Variants in CDH13 observed in about 807,000 individuals in gnomAD.
CDH13 encodes the protein cadherin-13.
In CDH13, 24 loss-of-function variants were observed where a neutral mutation model predicts 63.8. That is an observed-to-expected ratio of 0.38 (90% CI 0.27 to 0.53). CDH13 has a LOEUF of 0.53. Ranked by LOEUF, CDH13 falls within the 20% of genes least tolerant of loss-of-function variation. CDH13 has a pLI of 0.85. For missense variants in CDH13, 1,049 were observed against 903.1 expected, an observed-to-expected ratio of 1.16 and a Z score of -2.07; for synonymous variants, 503 against 355.3, an observed-to-expected ratio of 1.42 and a Z score of -4.67.
At chr16:82,799,276 A>C (rs1597624003) in intron 1 of CDH13, among the ~76,000 whole-genome samples, 1 of 152,336 alleles carries the variant, frequency 6.6e-6, no homozygotes, top group African/African-American at 2.4e-5. Flanking sequence ...TTCATGTGTC[A>C]ATTGATACTC....
At chr16:82,966,322 T>C (rs1907817628) in intron 2 of CDH13, among the ~76,000 whole-genome samples, 1 of 142,788 alleles carries the variant, frequency 7.0e-6, no homozygotes, top group South Asian at 2.3e-4. Context: ...CTAATTTTTT[T>C]GTATTTTTAG....
chr16:83,418,749 C>T (rs1001386515), intron 6 of CDH13, among the ~76,000 whole-genome samples: 1 of 152,090 alleles, frequency 6.6e-6, no homozygotes, highest in Non-Finnish European at 1.5e-5. Context: ...ATTGTCAAGG[C>T]TCTTTTAAGT....
At chr16:82,802,807 C>T (rs2036931566) in intron 1 of CDH13, among the ~76,000 whole-genome samples, 1 of 152,168 alleles carries the variant, frequency 6.6e-6, no homozygotes, top group Admixed American at 6.5e-5. Context: ...CAGGAAAGTG[C>T]ACTGTAAGTT....
chr16:83,570,680 TA>T lies in CDH13; in HGVS notation c.961-31765del, dbSNP rs545752713. On this transcript the variant is annotated intron_variant, in intron 7 of 13. Transcript: ENST00000567109. ...ATTCTTTCTCATCCTTTTATATATATAAAAAAAAATTTAAATTTATTATTTA... is the reference window on the plus strand; with the variant it reads ...ATTCTTTCTCATCCTTTTATATATATAAAAAAAATTTAAATTTATTATTTA... Among the ~76,000 whole-genome samples the T allele has an allele frequency of 2.2e-3, 314 of 144,882 alleles. 2 individuals carry two copies. The highest frequency in any genetic ancestry group is 7.2e-3 in the African/African-American group (283 of 39,366).
rs199627550 is a variant in CDH13 at position 83,546,427 on chromosome 16, T to TG, written c.961-56025dup. Reference sequence around the variant, plus strand: ...GTTATGCATTTGTTAGCCATACTACTGGTTTTTTTTTTTTTTAATCAAAGA... The same window carrying TG: ...GTTATGCATTTGTTAGCCATACTACTGGGTTTTTTTTTTTTTTAATCAAAGA... On this transcript the variant is annotated intron_variant, in intron 7 of 13. Coordinates refer to ENST00000567109, the MANE Select transcript of CDH13 (RefSeq NM_001257.5). Among the ~76,000 whole-genome samples the TG allele has an allele frequency of 3.5e-3, 465 of 132,152 alleles. 7 individuals are homozygous for TG. The highest frequency in any genetic ancestry group is 0.011 in the African/African-American group (433 of 40,138). The allele number at this position is 132,152 out of a possible 152,430, so 86.7% of individuals were successfully genotyped here.
At chr16:83,210,964 A>C (rs2039321503) in intron 4 of CDH13, among the ~76,000 whole-genome samples, 1 of 151,916 alleles carries the variant, frequency 6.6e-6, no homozygotes, top group Admixed American at 6.5e-5. Flanking sequence ...CCTGGCTAAC[A>C]CAGTGAAACC....
At chr16:83,686,816 A>G (rs1323141673) in intron 10 of CDH13, among the ~76,000 whole-genome samples, 2 of 152,192 alleles carry the variant, frequency 1.3e-5, no homozygotes, top group East Asian at 3.8e-4. Context: ...CAATCCCAGC[A>G]TAAGGACTGG....
At chr16:83,099,606 G>C in intron 3 of CDH13, among the ~76,000 whole-genome samples, 1 of 151,294 alleles carries the variant, frequency 6.6e-6, no homozygotes, top group Non-Finnish European at 1.5e-5. Flanking sequence ...TTATAGGTGT[G>C]AGCCACCGTG....
intron 2 of CDH13, among the ~76,000 whole-genome samples, chr16:83,000,452 G>T (rs1175708620): frequency 1.3e-5 from 2 of 150,598 alleles, no homozygotes; most frequent in East Asian, 3.9e-4. Flanking sequence ...GTTTCACCAT[G>T]TTGGCCAGGT....
At chr16:82,676,186 G>A (rs559071173) in intron 1 of CDH13, among the ~76,000 whole-genome samples, 2 of 152,006 alleles carry the variant, frequency 1.3e-5, no homozygotes, top group South Asian at 2.1e-4. Flanking sequence ...TTGGTCTTTC[G>A]GTTTAGTCAT....
chr16:83,022,972 G>A (rs1178802946), intron 2 of CDH13: 1 of 152,114 alleles, frequency 6.6e-6, no homozygotes, highest in Admixed American at 6.6e-5. Context: ...TTTTTTCTGG[G>A]ATCATAACAG....
At chr16:83,445,965 C>T (rs2072675181) in intron 6 of CDH13, among the ~76,000 whole-genome samples, 1 of 152,018 alleles carries the variant, frequency 6.6e-6, no homozygotes, top group South Asian at 2.1e-4. Context: ...AAGCATTATC[C>T]CCATCCCTCC....
At chr16:83,283,205 C>T (rs1158277101) in intron 5 of CDH13, among the ~76,000 whole-genome samples, 1 of 152,118 alleles carries the variant, frequency 6.6e-6, no homozygotes, top group Non-Finnish European at 1.5e-5. Flanking sequence ...TTTGAATTAC[C>T]TGTGGAGTTA....
Position 83,684,375 on chromosome 16 carries a change from CA to C in CDH13, c.1538+5925del, listed in dbSNP as rs886316411. Among the ~76,000 whole-genome samples, 757 of 138,302 alleles carry C rather than the reference CA, an allele frequency of 5.5e-3. 2 individuals carry two copies. The highest frequency in any genetic ancestry group is 8.7e-3 in the Admixed American group (121 of 13,856). The allele number at this position is 138,302 out of a possible 152,430, so 90.7% of individuals were successfully genotyped here. A position where few individuals can be genotyped will look rare whatever the true frequency, so the allele number is the denominator to read the frequency against. ...TGAGCAATAAAGCGTGACTCCATCA[CA>C]AAAAAAAAAAGTAGCCGAAAGATAA... On this transcript the variant is annotated intron_variant, in intron 10 of 13. Transcript: ENST00000567109.
chr16:83,115,909 G>C lies in CDH13; in HGVS notation c.367-9476G>C, dbSNP rs1300603164. On this transcript the variant is annotated intron_variant, in intron 3 of 13. Coordinates refer to ENST00000567109, the MANE Select transcript of CDH13 (RefSeq NM_001257.5). Reference sequence around the variant, plus strand: ...AATGAGGACAAATTATCTGGACACTGTTTGTCTGTTTGAATGTCAGCGTAT... The same window carrying C: ...AATGAGGACAAATTATCTGGACACTCTTTGTCTGTTTGAATGTCAGCGTAT... 2.0e-5 allele frequency among the ~76,000 whole-genome samples: 3 copies of C among 152,218 alleles called. No individual in the cohort carries two copies. The East Asian group carries it at 5.8e-4, about 29-fold the overall frequency.
intron 2 of CDH13, among the ~76,000 whole-genome samples, chr16:82,943,859 C>G (rs532485206): frequency 6.6e-6 from 1 of 152,264 alleles, no homozygotes; most frequent in African/African-American, 2.4e-5. Flanking sequence ...ATCGGCTTGC[C>G]ACATCATTGA....
chr16:82,984,723 C>G (rs545550812), intron 2 of CDH13, among the ~76,000 whole-genome samples: 1 of 152,120 alleles, frequency 6.6e-6, no homozygotes, highest in South Asian at 2.1e-4. Flanking sequence ...CACAACTAAA[C>G]GGGATACAGC....
At chr16:83,381,134 T>G (rs749362425) in intron 6 of CDH13, among the ~76,000 whole-genome samples, 10 of 152,180 alleles carry the variant, frequency 6.6e-5, no homozygotes, top group East Asian at 3.9e-4. Context: ...CATTGTGTCC[T>G]CAATAGATGG....
intron 1 of CDH13, among the ~76,000 whole-genome samples, chr16:82,821,533 C>T (rs2038000111): frequency 6.6e-6 from 1 of 152,264 alleles, no homozygotes; most frequent in South Asian, 2.1e-4. Context: ...GAGCCTTGAC[C>T]ATTCAAACCT....
Sources: allele counts gnomAD v4.1 joint callset (sites outside exome capture counted in the v4.1 genomes callset), GRCh38; gene constraint gnomAD v4.1.1; transcripts MANE v1.5; gene names NCBI Gene and HGNC (gene_info 2026-07-23, HGNC 2026-07-21).